SLC24A3: variants seen among roughly 807,000 people sequenced by gnomAD.
SLC24A3 encodes sodium/potassium/calcium exchanger 3.
A neutral mutation model predicts 75.8 loss-of-function variants in SLC24A3; 28 were observed. The observed-to-expected ratio is 0.37, with a 90% confidence interval of 0.27 to 0.51. The LOEUF is 0.51. Among genes scored for constraint, SLC24A3 ranks in the 20% least tolerant of loss-of-function variants. The pLI is 0.94. For missense variants in SLC24A3, 663 were observed against 847.8 expected, an observed-to-expected ratio of 0.78 and a Z score of 2.71; for synonymous variants, 372 against 334.1, an observed-to-expected ratio of 1.11 and a Z score of -1.24.
intron 4 of SLC24A3, among the ~76,000 whole-genome samples, chr20:19,582,778 A>G (rs1209055110): frequency 6.6e-6 from 1 of 152,168 alleles, no homozygotes; most frequent in African/African-American, 2.4e-5. Flanking sequence ...GAAGGGAGAG[A>G]GGCATTTCAG....
intron 3 of SLC24A3, among the ~76,000 whole-genome samples, chr20:19,537,392 G>A: frequency 6.6e-6 from 1 of 152,306 alleles, no homozygotes; most frequent in African/African-American, 2.4e-5. Context: ...TGCTGGAGAG[G>A]ATGTGGAGAA....
intron 2 of SLC24A3, among the ~76,000 whole-genome samples, chr20:19,382,712 T>C (rs906938488): frequency 4.6e-5 from 7 of 152,178 alleles, no homozygotes; most frequent in Non-Finnish European, 8.8e-5. Context: ...AAGGTTTAAT[T>C]ACAGCTTCCC....
At chr20:19,286,197 G>A (rs941056111) in intron 2 of SLC24A3, among the ~76,000 whole-genome samples, 1 of 152,168 alleles carries the variant, frequency 6.6e-6, no homozygotes, top group Non-Finnish European at 1.5e-5. Context: ...GCCCTATGGG[G>A]ATGGCCAGGA....
chr20:19,534,647 G>A lies in SLC24A3; in HGVS notation c.348+19083G>A, dbSNP rs57987040. ...AGGCTGGTCTCAAGCTCCTGACCTC[G>A]TGATCCACCTGCCTCCCAAAGTACT... On this transcript the variant is annotated intron_variant, in intron 3 of 16. Transcript: ENST00000328041. 7.1e-3 allele frequency among the ~76,000 whole-genome samples: 1,086 copies of A among 152,232 alleles called. 13 individuals are homozygous for A. The highest frequency in any genetic ancestry group is 0.025 in the African/African-American group (1,051 of 41,550).
chr20:19,611,155 G>A (rs946969711), intron 6 of SLC24A3, among the ~76,000 whole-genome samples: 3 of 152,190 alleles, frequency 2.0e-5, no homozygotes, highest in African/African-American at 7.2e-5. Context: ...CTCACAGAAG[G>A]AACCCCATGG....
chr20:19,332,084 C>T (rs951995373), intron 2 of SLC24A3, among the ~76,000 whole-genome samples: 5 of 152,262 alleles, frequency 3.3e-5, no homozygotes, highest in East Asian at 3.9e-4. Context: ...AGAATTGGAG[C>T]GTCTTGCAGG....
intron 12 of SLC24A3, among the ~76,000 whole-genome samples, chr20:19,690,980 T>C (rs961031082): frequency 1.3e-5 from 2 of 152,202 alleles, no homozygotes; most frequent in Admixed American, 6.5e-5. Flanking sequence ...CATAATAACA[T>C]TATTACTACT....
At chr20:19,651,463 T>C (rs2032202196) in intron 6 of SLC24A3, among the ~76,000 whole-genome samples, 1 of 150,980 alleles carries the variant, frequency 6.6e-6, no homozygotes, top group African/African-American at 2.4e-5. Context: ...GTCTGTTCTT[T>C]GTTCCAGTGT....
intron 3 of SLC24A3, among the ~76,000 whole-genome samples, chr20:19,524,067 CAT>C (rs1482641814): frequency 1.3e-5 from 2 of 152,262 alleles, no homozygotes; most frequent in African/African-American, 2.4e-5. Flanking sequence ...AACAGAAACA[CAT>C]GTTCTAGCCT....
intron 2 of SLC24A3, among the ~76,000 whole-genome samples, chr20:19,475,144 C>T (rs1413733314): frequency 2.0e-5 from 3 of 152,126 alleles, no homozygotes; most frequent in Admixed American, 2.0e-4. Flanking sequence ...CGAAACCATC[C>T]TGGCTAACAT....
chr20:19,404,083 A>G (rs1986600146), intron 2 of SLC24A3, among the ~76,000 whole-genome samples: 1 of 152,214 alleles, frequency 6.6e-6, no homozygotes, highest in South Asian at 2.1e-4. Flanking sequence ...CCCACTGCCA[A>G]AGGATATTTC....
chr20:19,528,426 C>T lies in SLC24A3; in HGVS notation c.348+12862C>T, dbSNP rs576749074. On this transcript the variant is annotated intron_variant, in intron 3 of 16. Coordinates refer to ENST00000328041, the MANE Select transcript of SLC24A3 (RefSeq NM_020689.4). ...CATCCTTATTTCCTAAGATGCTTCA[C>T]CATTTCTCCCAATAATCCCAGAAGC... Among the ~76,000 whole-genome samples, 3 of 152,274 alleles carry T rather than the reference C, an allele frequency of 2.0e-5. No individual in the cohort carries two copies. In the East Asian group the frequency reaches 5.8e-4, roughly 29 times the overall value.
chr20:19,392,322 A>G (rs1050174728), intron 2 of SLC24A3, among the ~76,000 whole-genome samples: 3 of 152,188 alleles, frequency 2.0e-5, no homozygotes, highest in Non-Finnish European at 4.4e-5. Flanking sequence ...CAAATGCCTT[A>G]GTCTGCCTCA....
Position 19,241,952 on chromosome 20 carries a change from C to T in SLC24A3, c.142+28968C>T, listed in dbSNP as rs115170158. On this transcript the variant is annotated intron_variant, in intron 1 of 16. Coordinates refer to ENST00000328041, the MANE Select transcript of SLC24A3 (RefSeq NM_020689.4). ...GAATAATAAGTGAACTTGATCACATCGGGCAGCGAGTCTGAATGCCTCCCT... is the reference window on the plus strand; with the variant it reads ...GAATAATAAGTGAACTTGATCACATTGGGCAGCGAGTCTGAATGCCTCCCT... 5.1e-3 allele frequency among the ~76,000 whole-genome samples: 772 copies of T among 152,222 alleles called. 6 individuals are homozygous for T. The highest frequency in any genetic ancestry group is 0.018 in the African/African-American group (737 of 41,526).
chr20:19,530,105 G>A (rs1277049822), intron 3 of SLC24A3, among the ~76,000 whole-genome samples: 1 of 152,064 alleles, frequency 6.6e-6, no homozygotes, highest in African/African-American at 2.4e-5. Flanking sequence ...TAAAAAGAGT[G>A]TTGGAAAGGA....
At chr20:19,396,683 T>C (rs1348637083) in intron 2 of SLC24A3, among the ~76,000 whole-genome samples, 1 of 152,230 alleles carries the variant, frequency 6.6e-6, no homozygotes, top group Non-Finnish European at 1.5e-5. Flanking sequence ...ACTTTGCTCA[T>C]AGTGCAGATC....
chr20:19,259,609 G>A (rs540482074), intron 1 of SLC24A3, among the ~76,000 whole-genome samples: 2 of 152,280 alleles, frequency 1.3e-5, no homozygotes, highest in East Asian at 1.9e-4. Flanking sequence ...GAGCTTGACC[G>A]CAGCCCTTGC....
At chr20:19,697,016 A>AGGAAAG (rs377638022) in intron 14 of SLC24A3, 105 bp downstream of exon 14, 1 of 275,430 alleles carries the variant, frequency 3.6e-6, no homozygotes, top group Non-Finnish European at 7.1e-6. Flanking sequence ...GGAGAAGAGA[A>AGGAAAG]AGGGAGGGAG....
chr20:19,402,605 A>T (rs1986571974), intron 2 of SLC24A3, among the ~76,000 whole-genome samples: 1 of 152,214 alleles, frequency 6.6e-6, no homozygotes. Flanking sequence ...AACAAACAGA[A>T]CATTTAAAAT....
Sources: allele counts gnomAD v4.1 joint callset (sites outside exome capture counted in the v4.1 genomes callset), GRCh38; gene constraint gnomAD v4.1.1; transcripts MANE v1.5; gene names NCBI Gene and HGNC (gene_info 2026-07-23, HGNC 2026-07-21).